Variants in HDAC9 observed in about 807,000 individuals in gnomAD.
HDAC9 encodes the protein histone deacetylase 9.
Under a neutral mutation model 139.4 loss-of-function variants are expected in HDAC9, and 41 were observed. The ratio of observed to expected loss-of-function variants is 0.29; its 90% confidence interval spans 0.23 to 0.38. HDAC9 has a LOEUF of 0.38. Ranked by LOEUF, HDAC9 falls within the 10% of genes least tolerant of loss-of-function variation. The pLI, the probability that HDAC9 is intolerant of heterozygous loss-of-function variation, is 1.00. For synonymous variants in HDAC9, 517 were observed against 476.2 expected, an observed-to-expected ratio of 1.09 and a Z score of -1.12; for missense variants, 1,147 against 1,297.0, an observed-to-expected ratio of 0.88 and a Z score of 1.78.
In HDAC9 at chr7:18,666,100, T is replaced by C. The variant is rs893977452; in HGVS notation, c.1468-113T>C. 35 of 1,149,870 alleles carry C rather than the reference T, an allele frequency of 3.0e-5. No homozygotes were observed. The African/African-American group carries it at 4.8e-4, about 16-fold the overall frequency. 71.2% of individuals were successfully genotyped at this position (1,149,870 alleles called of 1,614,324 possible). On this transcript the variant is annotated intron_variant, in intron 11 of 25. Transcript: ENST00000686413. ...GCCTACAAGTTCATTCTGAAATTTA[T>C]GTTCAATGATTAGAAATCACAGTGT... is the stretch of plus-strand genomic sequence containing the variant.
intron 11 of HDAC9, among the ~76,000 whole-genome samples, chr7:18,660,880 T>A (rs1792916961): frequency 2.0e-5 from 3 of 152,084 alleles, no homozygotes; most frequent in Admixed American, 1.3e-4. Flanking sequence ...TGGTGCCAGG[T>A]TGTCGAAAGT....
intron 25 of HDAC9, among the ~76,000 whole-genome samples, chr7:18,993,807 A>AT (rs1786219074): frequency 6.6e-6 from 1 of 152,196 alleles, no homozygotes; most frequent in African/African-American, 2.4e-5. Context: ...TGTCTCAAAA[A>AT]TACATAAATA....
chr7:18,639,020 G>T (rs774701758), intron 8 of HDAC9, among the ~76,000 whole-genome samples: 1 of 151,976 alleles, frequency 6.6e-6, no homozygotes, highest in Non-Finnish European at 1.5e-5. Context: ...CTATTTTAAC[G>T]GTAGCCAAGC....
At chr7:18,484,285 A>G (rs902954625) in intron 1 of HDAC9, among the ~76,000 whole-genome samples, 3 of 151,574 alleles carry the variant, frequency 2.0e-5, no homozygotes, top group South Asian at 2.1e-4. Context: ...GCAGTGAGCT[A>G]TGATTACACT....
chr7:18,648,503 A>G lies in HDAC9; in HGVS notation c.1287A>G (p.Thr429=). The change falls in exon 11 of 26, where the codon ACA becomes ACG. Residue 429 remains threonine, a synonymous_variant. Coordinates refer to ENST00000686413, the MANE Select transcript of HDAC9 (RefSeq NM_178425.4). ...TACATCCTCAGTCTCCCTTGGCAAC[A>G]AAAGAGAGAATTTCACCTGGCATTA... ...VPLHPQSPLA[T]KERISPGIRG... 3.1e-6 allele frequency: 5 copies of G among 1,613,496 alleles called. No individual in the cohort carries two copies. The highest frequency in any genetic ancestry group is 4.2e-6 in the Non-Finnish European group (5 of 1,179,728).
chr7:18,969,573 C>G (rs1283812092), intron 24 of HDAC9, among the ~76,000 whole-genome samples: 5 of 151,896 alleles, frequency 3.3e-5, no homozygotes, highest in African/African-American at 9.7e-5. Context: ...TAAACAGAAA[C>G]TGACTCAGAA....
chr7:18,952,025 T>G (rs1303460877), intron 23 of HDAC9, among the ~76,000 whole-genome samples: 2 of 151,924 alleles, frequency 1.3e-5, no homozygotes, highest in African/African-American at 2.4e-5. Context: ...ATTGAGAAAT[T>G]TCTGAATTCA....
At chr7:18,744,372 A>G (rs1046736972) in intron 13 of HDAC9, among the ~76,000 whole-genome samples, 1 of 152,280 alleles carries the variant, frequency 6.6e-6, no homozygotes, top group East Asian at 1.9e-4. Flanking sequence ...ATAACTGTCT[A>G]CTGATTCTGC....
chr7:18,364,846 A>G (rs961643365), intron 1 of HDAC9, among the ~76,000 whole-genome samples: 1 of 152,150 alleles, frequency 6.6e-6, no homozygotes, highest in East Asian at 1.9e-4. Flanking sequence ...TAATTCTTTC[A>G]GGAAGCTCAA....
chr7:18,234,213 G>C (rs900755136), intron 2 of HDAC9, among the ~76,000 whole-genome samples: 3 of 152,160 alleles, frequency 2.0e-5, no homozygotes, highest in African/African-American at 7.2e-5. Context: ...GGGAAAAGTA[G>C]GGCCAAAACC....
At chr7:18,761,660 A>G (rs17139847) in intron 14 of HDAC9, among the ~76,000 whole-genome samples, 10,982 of 152,206 alleles carry the variant, frequency 0.072, 621 homozygotes, top group East Asian at 0.24. Context: ...ATTGGTTTTA[A>G]CTAATACTAC....
At chr7:18,848,583 C>T (rs955565806) in intron 21 of HDAC9, among the ~76,000 whole-genome samples, 6 of 151,858 alleles carry the variant, frequency 4.0e-5, no homozygotes, top group Non-Finnish European at 7.4e-5. Flanking sequence ...AGGGCCCAAC[C>T]ATCCTGGCAC....
chr7:18,129,542 T>C (rs1784879270), intron 1 of HDAC9, among the ~76,000 whole-genome samples: 1 of 152,202 alleles, frequency 6.6e-6, no homozygotes, highest in South Asian at 2.1e-4. Context: ...TGTCCAGTTT[T>C]TAATACAATA....
intron 1 of HDAC9, among the ~76,000 whole-genome samples, chr7:18,440,247 C>T (rs547278047): frequency 2.7e-5 from 4 of 146,198 alleles, no homozygotes; most frequent in South Asian, 4.3e-4. Flanking sequence ...TGCAGTGGTG[C>T]GATCTCGGCT....
rs188232649 is a variant in HDAC9, at chr7:18,703,555, G to A, written c.1732-24025G>A. Among the ~76,000 whole-genome samples the A allele has an allele frequency of 2.5e-3, 379 of 152,260 alleles. 4 individuals are homozygous for A. The highest frequency in any genetic ancestry group is 6.3e-4 in the Non-Finnish European group (43 of 68,034). ...ACTTTCTTCTCTATCTTTCTGCATA[G>A]CAGCATAATCTGGCATGTTTCCTAT... On this transcript the variant is annotated intron_variant, in intron 12 of 25. Transcript: ENST00000686413.
chr7:18,804,423 G>A (rs907491225), intron 17 of HDAC9, among the ~76,000 whole-genome samples: 4 of 152,090 alleles, frequency 2.6e-5, no homozygotes, highest in Admixed American at 6.6e-5. Context: ...GTATGCATAC[G>A]TAAATAATAT....
chr7:18,614,313 C>T (rs886370162), intron 6 of HDAC9, among the ~76,000 whole-genome samples: 3 of 152,110 alleles, frequency 2.0e-5, no homozygotes, highest in Admixed American at 6.6e-5. Flanking sequence ...CGCAAGACTT[C>T]CTCCTCCTCC....
intron 1 of HDAC9, among the ~76,000 whole-genome samples, chr7:18,432,890 G>A (rs979014905): frequency 6.6e-6 from 1 of 151,668 alleles, no homozygotes; most frequent in Non-Finnish European, 1.5e-5. Flanking sequence ...GGCGGAGCTT[G>A]CAGTGAGCCG....
chr7:18,463,529 T>G (rs919139335), intron 1 of HDAC9, among the ~76,000 whole-genome samples: 2 of 152,000 alleles, frequency 1.3e-5, no homozygotes, highest in Non-Finnish European at 2.9e-5. Context: ...AATCCTATTA[T>G]ATTTGAAGTC....
Sources: allele counts gnomAD v4.1 joint callset (sites outside exome capture counted in the v4.1 genomes callset), GRCh38; gene constraint gnomAD v4.1.1; transcripts MANE v1.5; gene names NCBI Gene and HGNC (gene_info 2026-07-23, HGNC 2026-07-21).